Variants in ZNF461 observed in about 807,000 individuals in gnomAD.
ZNF461 encodes gonadotropin-inducible ovarian transcription factor-1.
In ZNF461, 16 loss-of-function variants were observed where a neutral mutation model predicts 18.3. The observed-to-expected ratio is 0.88, with a 90% CI of 0.59 to 1.33. The LOEUF (loss-of-function observed/expected upper bound fraction) is 1.33, where lower values mean the gene tolerates loss of function less well. Ranked by LOEUF, ZNF461 falls within the 40% of genes most tolerant of loss-of-function variation. The pLI is 0.00. For synonymous variants in ZNF461, 179 were observed against 216.9 expected (o/e 0.83, Z 1.54); for missense variants, 595 against 669.9 (o/e 0.89, Z 1.23).
chr19:36,640,577 C>T (rs1419730799), intron 5 of ZNF461, among the ~76,000 whole-genome samples: 1 of 152,162 alleles, frequency 6.6e-6, no homozygotes, highest in Non-Finnish European at 1.5e-5. Flanking sequence ...TAAAGAAATA[C>T]AGAAATATTA....
intron 2 of ZNF461, chr19:36,658,666 G>A (rs1182330262): frequency 2.7e-6 from 1 of 363,716 alleles, no homozygotes; most frequent in Non-Finnish European, 4.9e-6. Context: ...CTGTTAATCA[G>A]TCATCTCAAA....
At chr19:36,656,238 G>C (rs1416491455) in intron 4 of ZNF461, among the ~76,000 whole-genome samples, 1 of 152,140 alleles carries the variant, frequency 6.6e-6, no homozygotes, top group Non-Finnish European at 1.5e-5. Context: ...GCCCGCCTCG[G>C]CCTCCCAAAG....
Position 36,639,649 on chromosome 19 carries a change from G to C in ZNF461, c.696C>G (p.Cys232Trp). ...TTTGAATTGTCTGTTGTTTAAAAAG[G>C]CATGGTGTATTAACAATTTCTGTGC... ...KECTEIVNTP[C>W]LFKQQTIQNG... The change falls in exon 6 of 6, where the codon TGC becomes TGG. Residue 232 changes from cysteine to tryptophan, a missense_variant. By Grantham distance (215) the Cys-to-Trp change is radical. Transcript: ENST00000588268. 1 of 1,613,714 alleles carries C rather than the reference G, an allele frequency of 6.2e-7. No homozygotes were observed. The highest frequency in any genetic ancestry group is 8.5e-7 in the Non-Finnish European group (1 of 1,179,776).
chr19:36,637,838 A>C lies in ZNF461; in HGVS notation c.*815T>G, dbSNP rs779761042. 1 of 434,936 alleles carries C rather than the reference A, an allele frequency of 2.3e-6. No homozygotes were observed. The highest frequency in any genetic ancestry group is 1.7e-5 in the South Asian group (1 of 58,620). The allele number at this position is 434,936 out of a possible 1,614,324, so 26.9% of individuals were successfully genotyped here. On this transcript the variant is annotated 3_prime_UTR_variant, in exon 6 of 6. Coordinates refer to ENST00000588268, the MANE Select transcript of ZNF461 (RefSeq NM_153257.5). ...AAAGGAAACTGATAGCAGTTGTTGC[A>C]TCTGTGGAAAGTGAGTGGCTACAGA...
rs1261780801 is a variant in ZNF461 at position 36,639,818 on chromosome 19, C to G, written c.527G>C (p.Ser176Thr). The G allele has an allele frequency of 1.2e-6, 2 of 1,613,820 alleles. No homozygotes were observed. The highest frequency in any genetic ancestry group is 3.3e-5 in the Admixed American group (2 of 60,012). Residue 176 changes from serine (S) to threonine (T), a missense_variant, in exon 6 of 6, where the codon AGC (serine) becomes ACC (threonine). Transcript: ENST00000588268. The stretch of plus-strand genomic sequence containing the variant: ...TTCTTGAGTGAGTAAAGTATGTTGG[C>G]TAAAAATGGGCATGTTTTCATGGTT... ...MINHENMPIF[S>T]QHTLLTQEFY...
At chr19:36,657,471 A>C (rs1046532459) in intron 3 of ZNF461, among the ~76,000 whole-genome samples, 3 of 149,090 alleles carry the variant, frequency 2.0e-5, no homozygotes, top group Non-Finnish European at 4.4e-5. Context: ...CAAAAGTGAA[A>C]CTCTGTCTCA....
At position 36,638,732 on chromosome 19, in the gene ZNF461, T is replaced by C; in HGVS notation, c.1613A>G (p.Asn538Ser). Residue 538 changes from asparagine to serine, a missense_variant, in exon 6 of 6, where the codon AAC becomes AGC. Asn to Ser is a conservative substitution (Grantham distance 46, BLOSUM62 1). Transcript: ENST00000588268. Reference sequence around the variant, plus strand: ...GCCAGTATGAAGAGTCTGATGTAAGTTAAGTTGTAATCTATGATTAAACGC... The same window carrying C: ...GCCAGTATGAAGAGTCTGATGTAAGCTAAGTTGTAATCTATGATTAAACGC... ...GKAFNHRLQL[N>S]LHQTLHTGEK... The C allele has an allele frequency of 6.2e-7, 1 of 1,613,964 alleles. No homozygotes were observed. Among genetic ancestry groups the C allele is most frequent in the Non-Finnish European group, 8.5e-7 (1 of 1,179,892 alleles).
At chr19:36,662,434 T>A (rs12608512) in intron 2 of ZNF461, among the ~76,000 whole-genome samples, 19,387 of 151,614 alleles carry the variant, frequency 0.13, 2,036 homozygotes, top group East Asian at 0.56. Flanking sequence ...TTTTTGTATT[T>A]TTAGTAGAGA....
At chr19:36,655,738 A>G (rs1359740418) in intron 4 of ZNF461, among the ~76,000 whole-genome samples, 1 of 152,194 alleles carries the variant, frequency 6.6e-6, no homozygotes, top group Non-Finnish European at 1.5e-5. Context: ...ACAATAAATC[A>G]TTGCCAAATC....
At chr19:36,644,311 C>T (rs569457995) in intron 4 of ZNF461, among the ~76,000 whole-genome samples, 20 of 152,218 alleles carry the variant, frequency 1.3e-4, no homozygotes, top group Admixed American at 9.2e-4. Flanking sequence ...CTCTGTCCCC[C>T]GGGCTGGAGT....
At chr19:36,666,325 A>G (rs1020136697) in intron 1 of ZNF461, among the ~76,000 whole-genome samples, 1 of 151,964 alleles carries the variant, frequency 6.6e-6, no homozygotes, top group African/African-American at 2.4e-5. Context: ...AACTCCCGAC[A>G]TCAGGGCATC....
At chr19:36,663,070 A>G (rs1265353824) in intron 2 of ZNF461, among the ~76,000 whole-genome samples, 2 of 152,326 alleles carry the variant, frequency 1.3e-5, no homozygotes, top group East Asian at 3.8e-4. Context: ...TTCAATATAT[A>G]TTCAGAACTG....
At chr19:36,653,261 T>G (rs1347476287) in intron 4 of ZNF461, among the ~76,000 whole-genome samples, 1 of 152,168 alleles carries the variant, frequency 6.6e-6, no homozygotes, top group Non-Finnish European at 1.5e-5. Context: ...AAATGAAGAC[T>G]TGTTTTCATG....
At chr19:36,660,881 TTTTCA>T (rs1187112751) in intron 2 of ZNF461, among the ~76,000 whole-genome samples, 3 of 152,118 alleles carry the variant, frequency 2.0e-5, no homozygotes, top group African/African-American at 4.8e-5. Flanking sequence ...TAAGCTACTC[TTTTCA>T]TTTAATACTT....
intron 1 of ZNF461, among the ~76,000 whole-genome samples, chr19:36,666,214 C>T (rs1422873284): frequency 1.3e-5 from 2 of 151,732 alleles, no homozygotes; most frequent in African/African-American, 4.8e-5. Flanking sequence ...CCTGCCTCAG[C>T]CTCCCAAGGA....
At chr19:36,644,311 C>G (rs569457995) in intron 4 of ZNF461, among the ~76,000 whole-genome samples, 8 of 152,102 alleles carry the variant, frequency 5.3e-5, no homozygotes, top group Non-Finnish European at 1.0e-4. Context: ...CTCTGTCCCC[C>G]GGGCTGGAGT....
rs553448514 is a variant in ZNF461, at chr19:36,642,609, T to C, written c.301+1185A>G. Among the ~76,000 whole-genome samples the C allele has an allele frequency of 2.0e-5, 3 of 151,820 alleles. No individual in the cohort carries two copies. The East Asian group carries it at 5.8e-4, about 29-fold the overall frequency. ...TACTTTTATGACCTAGCCTCAGAAA[T>C]CACAAAGTATTTCTATTTATTGGAA... is the stretch of plus-strand genomic sequence containing the variant. On this transcript the variant is annotated intron_variant, in intron 5 of 5. Coordinates refer to ENST00000588268, the MANE Select transcript of ZNF461 (RefSeq NM_153257.5).
chr19:36,652,526 A>G lies in ZNF461; in HGVS notation c.232+3922T>C, dbSNP rs148526235. Among the ~76,000 whole-genome samples, 473 of 151,734 alleles carry G rather than the reference A, an allele frequency of 3.1e-3. 1 individual carries two copies. The highest frequency in any genetic ancestry group is 0.011 in the African/African-American group (457 of 41,440). ...AAAAAAAAAAAAAACAAAAACTATA[A>G]AATTTCTAAAAAAGAACATTGGAGA... is the stretch of plus-strand genomic sequence containing the variant. On this transcript the variant is annotated intron_variant, in intron 4 of 5. Transcript: ENST00000588268.
chr19:36,652,273 C>A (rs1320099973), intron 4 of ZNF461, among the ~76,000 whole-genome samples: 1 of 151,800 alleles, frequency 6.6e-6, no homozygotes, highest in African/African-American at 2.4e-5. Context: ...AGGCAGATCG[C>A]CTGAGGTCAG....
Sources: allele counts gnomAD v4.1 joint callset (sites outside exome capture counted in the v4.1 genomes callset), GRCh38; gene constraint gnomAD v4.1.1; transcripts MANE v1.5; gene names NCBI Gene and HGNC (gene_info 2026-07-23, HGNC 2026-07-21).